The following DPP10 variants were observed in gnomAD, a reference collection of about 807,000 sequenced individuals.
DPP10 encodes the protein dipeptidyl peptidase like 10, also known as inactive dipeptidyl peptidase 10.
DPP10 carries 33 observed loss-of-function variants against 120.9 expected under a neutral mutation model. The ratio of observed to expected loss-of-function variants is 0.27; its 90% CI spans 0.21 to 0.37. The LOEUF is 0.37. Ranked by LOEUF, DPP10 falls within the 10% of genes least tolerant of loss-of-function variation. DPP10 has a pLI of 1.00. For synonymous variants in DPP10, 337 were observed against 326.1 expected (o/e 1.03, Z -0.36); for missense variants, 816 against 942.8 (o/e 0.87, Z 1.76).
intron 1 of DPP10, among the ~76,000 whole-genome samples, chr2:114,446,267 T>G (rs1484723436): frequency 6.6e-6 from 1 of 152,208 alleles, no homozygotes; most frequent in Non-Finnish European, 1.5e-5. Context: ...AATTGCAAAC[T>G]TAGAATTTTG....
intron 7 of DPP10, among the ~76,000 whole-genome samples, chr2:115,716,370 A>G (rs1388682014): frequency 6.6e-6 from 1 of 152,240 alleles, no homozygotes; most frequent in Non-Finnish European, 1.5e-5. Flanking sequence ...GTAGTTATGT[A>G]TACATCATAG....
intron 1 of DPP10, among the ~76,000 whole-genome samples, chr2:114,768,005 G>C (rs1306322353): frequency 2.6e-5 from 4 of 151,860 alleles, no homozygotes; most frequent in Non-Finnish European, 4.4e-5. Context: ...GTGGGTGCCT[G>C]TAATCCCAGC....
At chr2:115,306,954 T>G (rs1205103544) in intron 1 of DPP10, among the ~76,000 whole-genome samples, 1 of 152,144 alleles carries the variant, frequency 6.6e-6, no homozygotes, top group South Asian at 2.1e-4. Flanking sequence ...TTATTGATTC[T>G]TTAATGTACT....
Position 115,033,781 on chromosome 2 carries a change from G to A in DPP10, c.61-275458G>A, listed in dbSNP as rs186729997. Among the ~76,000 whole-genome samples, 131 of 149,574 alleles carry A rather than the reference G, an allele frequency of 8.8e-4. 1 individual carries two copies. The highest frequency in any genetic ancestry group is 3.1e-3 in the African/African-American group (124 of 40,648). On this transcript the variant is annotated intron_variant, in intron 1 of 25. Coordinates refer to ENST00000410059, the MANE Select transcript of DPP10 (RefSeq NM_020868.6). ...AATGGCTCAATCATAGCTCTCTGCA[G>A]CCTCAAACTCCTGGGCTGAAGGGAT...
intron 5 of DPP10, among the ~76,000 whole-genome samples, chr2:115,669,321 A>G (rs2089695085): frequency 1.3e-5 from 2 of 152,176 alleles, no homozygotes; most frequent in African/African-American, 4.8e-5. Flanking sequence ...AAAACTCACT[A>G]TTGAAGAGCA....
At chr2:115,459,856 G>T (rs957441563) in intron 3 of DPP10, among the ~76,000 whole-genome samples, 3 of 150,086 alleles carry the variant, frequency 2.0e-5, no homozygotes, top group African/African-American at 4.9e-5. Context: ...AAGCTGGAAA[G>T]GACTACCATG....
intron 1 of DPP10, among the ~76,000 whole-genome samples, chr2:114,596,509 A>G (rs1691919244): frequency 6.6e-6 from 1 of 152,134 alleles, no homozygotes; most frequent in Admixed American, 6.6e-5. Context: ...CAGTGATAAG[A>G]TAAATGCATA....
intron 5 of DPP10, among the ~76,000 whole-genome samples, chr2:115,590,570 A>G (rs60630959): frequency 0.13 from 20,231 of 152,152 alleles, 1,891 homozygotes; most frequent in African/African-American, 0.27. Context: ...TCTATCATTG[A>G]TGGACATTTG....
chr2:115,642,862 G>A (rs2086899441), intron 5 of DPP10, among the ~76,000 whole-genome samples: 1 of 151,942 alleles, frequency 6.6e-6, no homozygotes, highest in Non-Finnish European at 1.5e-5. Context: ...TATATAGAGA[G>A]AGATTTAAAA....
At chr2:115,562,158 C>T (rs1277410551) in intron 5 of DPP10, among the ~76,000 whole-genome samples, 2 of 152,188 alleles carry the variant, frequency 1.3e-5, no homozygotes, top group Non-Finnish European at 2.9e-5. Flanking sequence ...ATGTTTGAAG[C>T]TCAAAGTCAT....
At chr2:115,315,276 T>TACAC (rs138469343) in intron 2 of DPP10, among the ~76,000 whole-genome samples, 1 of 147,816 alleles carries the variant, frequency 6.8e-6, no homozygotes, top group Non-Finnish European at 1.5e-5. Flanking sequence ...CACACACACA[T>TACAC]ACACACACAC....
intron 1 of DPP10, among the ~76,000 whole-genome samples, chr2:114,521,363 C>A (rs573283774): frequency 9.9e-5 from 15 of 150,948 alleles, no homozygotes; most frequent in Non-Finnish European, 1.8e-4. Flanking sequence ...AAACTGTCAC[C>A]GCATTAAGAA....
intron 1 of DPP10, among the ~76,000 whole-genome samples, chr2:114,500,458 T>C (rs1459458431): frequency 1.3e-5 from 2 of 152,222 alleles, no homozygotes; most frequent in Non-Finnish European, 2.9e-5. Flanking sequence ...AAAGCCTTGA[T>C]ACAATGCTAA....
intron 3 of DPP10, among the ~76,000 whole-genome samples, chr2:115,389,125 T>C (rs1357723698): frequency 6.6e-6 from 1 of 152,172 alleles, no homozygotes; most frequent in African/African-American, 2.4e-5. Flanking sequence ...ATTATCTTGG[T>C]AAAGAATGTA....
In DPP10 at chr2:115,603,563, T is replaced by TTTTG. The variant is rs796081330; in HGVS notation, c.441+77594_441+77595insGTTT. Among the ~76,000 whole-genome samples, 117 of 93,720 alleles carry TTTTG rather than the reference T, an allele frequency of 1.2e-3. 1 individual carries two copies. The highest frequency in any genetic ancestry group is 8.4e-3 in the African/African-American group (113 of 13,498). 61.5% of individuals were successfully genotyped at this position (93,720 alleles called of 152,430 possible). ...ACTGTGTGTTTTCGTTGTTGTTGTT[T>TTTTG]TTTTTTGTTTTTTTTTTTTTTGGAT... On this transcript the variant is annotated intron_variant, in intron 5 of 25. Coordinates refer to ENST00000410059, the MANE Select transcript of DPP10 (RefSeq NM_020868.6).
intron 1 of DPP10, among the ~76,000 whole-genome samples, chr2:115,036,192 G>A (rs1704215660): frequency 6.6e-6 from 1 of 152,172 alleles, no homozygotes; most frequent in South Asian, 2.1e-4. Flanking sequence ...GGAAATGCCA[G>A]ACCCTTGTAA....
intron 1 of DPP10, among the ~76,000 whole-genome samples, chr2:114,611,011 C>T (rs536886914): frequency 4.7e-4 from 72 of 152,272 alleles, no homozygotes; most frequent in African/African-American, 1.7e-3. Flanking sequence ...AAACACACAA[C>T]TGCGCTGCTT....
intron 1 of DPP10, among the ~76,000 whole-genome samples, chr2:114,811,258 A>G (rs1371276281): frequency 1.3e-5 from 2 of 152,214 alleles, no homozygotes; most frequent in African/African-American, 4.8e-5. Flanking sequence ...CAGCTTAGTC[A>G]ATGAATGGCA....
intron 1 of DPP10, among the ~76,000 whole-genome samples, chr2:115,106,969 G>T (rs909888512): frequency 6.6e-6 from 1 of 151,816 alleles, no homozygotes; most frequent in Admixed American, 6.6e-5. Context: ...CAGCTACTCG[G>T]GAGACTGAGG....
Sources: gnomAD v4.1 joint callset for allele counts (sites outside exome capture counted in the v4.1 genomes callset) on GRCh38, gnomAD v4.1.1 for gene constraint, MANE v1.5 for transcripts, NCBI Gene and HGNC (gene_info 2026-07-23, HGNC 2026-07-21) for gene names.